Variants in ZPBP observed in about 807,000 individuals in gnomAD.
ZPBP encodes zona pellucida-binding protein 1.
In ZPBP, 26 loss-of-function variants were observed where a neutral mutation model predicts 44.8. That is an observed-to-expected ratio of 0.58 (90% CI 0.43 to 0.81). The LOEUF (loss-of-function observed/expected upper bound fraction) is 0.81, where lower values mean the gene tolerates loss of function less well. Among genes scored for constraint, ZPBP ranks in the 30% least tolerant of loss-of-function variants. The pLI, the probability that ZPBP is intolerant of heterozygous loss-of-function variation, is 0.00. For synonymous variants in ZPBP, 174 were observed against 153.2 expected (o/e 1.14, Z -1.00); for missense variants, 409 against 434.0 (o/e 0.94, Z 0.51).
intron 7 of ZPBP, among the ~76,000 whole-genome samples, chr7:49,967,640 G>A (rs1243816500): frequency 5.3e-5 from 8 of 152,100 alleles, no homozygotes; most frequent in South Asian, 2.1e-4. Flanking sequence ...TCCGCCTCCC[G>A]GGTTCAAGCA....
At chr7:49,968,697 A>G (rs1403056268) in intron 7 of ZPBP, among the ~76,000 whole-genome samples, 1 of 152,008 alleles carries the variant, frequency 6.6e-6, no homozygotes, top group African/African-American at 2.4e-5. Flanking sequence ...CAAGGAAAAT[A>G]TTTCTTCTGA....
At chr7:50,058,388 G>A (rs1225570615) in intron 3 of ZPBP, among the ~76,000 whole-genome samples, 1 of 152,046 alleles carries the variant, frequency 6.6e-6, no homozygotes, top group East Asian at 1.9e-4. Context: ...GACTAACAAG[G>A]ATACATACAG....
intron 4 of ZPBP, among the ~76,000 whole-genome samples, chr7:50,047,272 G>A (rs901723262): frequency 6.6e-6 from 1 of 151,958 alleles, no homozygotes; most frequent in Non-Finnish European, 1.5e-5. Context: ...TTCTACACAT[G>A]TATCCCAGAA....
chr7:49,902,293 C>A lies in ZPBP; in HGVS notation n.412-1078G>T, dbSNP rs868223269. On this transcript the variant is annotated intron_variant and non_coding_transcript_variant, in intron 1 of 2. Transcript: ENST00000465922. ...ACATTTGCAAAAGACATAAAAAAAA[C>A]TGTTGTCCTAAATATACAAACAATT... Among the ~76,000 whole-genome samples the A allele has an allele frequency of 6.6e-5, 10 of 152,002 alleles. 1 individual carries two copies. The highest frequency in any genetic ancestry group is 6.8e-3 in the Middle Eastern group (2 of 294).
chr7:50,076,101 T>C (rs189131465), intron 3 of ZPBP, among the ~76,000 whole-genome samples: 3 of 151,884 alleles, frequency 2.0e-5, no homozygotes, highest in Non-Finnish European at 4.4e-5. Context: ...GGTTCCAATA[T>C]ACCAAATCAA....
intron 7 of ZPBP, among the ~76,000 whole-genome samples, chr7:49,980,030 TTATATTATAATATA>T (rs1405757222): frequency 0.02 from 275 of 13,452 alleles, 5 homozygotes; most frequent in African/African-American, 0.077. Flanking sequence ...TAATTTTATA[TTATATTATAATATA>T]TATAATATAA....
chr7:50,071,943 C>T (rs1253011011), intron 3 of ZPBP, among the ~76,000 whole-genome samples: 9 of 152,154 alleles, frequency 5.9e-5, no homozygotes, highest in Non-Finnish European at 4.4e-5. Flanking sequence ...CAGCACATGA[C>T]CAGCTGTGGT....
intron 3 of ZPBP, among the ~76,000 whole-genome samples, chr7:50,073,663 A>G (rs944117516): frequency 1.3e-5 from 2 of 152,176 alleles, no homozygotes; most frequent in Non-Finnish European, 2.9e-5. Flanking sequence ...CAGAAAGAAA[A>G]AACAAATAAC....
At chr7:50,023,475 G>C (rs564768713) in intron 5 of ZPBP, among the ~76,000 whole-genome samples, 1 of 151,870 alleles carries the variant, frequency 6.6e-6, no homozygotes, top group Non-Finnish European at 1.5e-5. Flanking sequence ...CTAGTACTAC[G>C]ATAAACAGTA....
chr7:50,086,828 T>A (rs1436286951), intron 2 of ZPBP, among the ~76,000 whole-genome samples: 1 of 151,916 alleles, frequency 6.6e-6, no homozygotes, highest in African/African-American at 2.4e-5. Flanking sequence ...AATCCACGTA[T>A]CCAAGAATTC....
chr7:50,077,788 T>C lies in ZPBP; in HGVS notation c.334+3986A>G, dbSNP rs935720201. Among the ~76,000 whole-genome samples, 3 of 151,910 alleles carry C rather than the reference T, an allele frequency of 2.0e-5. No individual in the cohort carries two copies. The East Asian group carries it at 5.8e-4, about 29-fold the overall frequency. The stretch of plus-strand genomic sequence containing the variant: ...ACAAAGGGGAACCCTTGTACACTGT[T>C]GATGGGAATGTAAACTAGTACAACC... On this transcript the variant is annotated intron_variant, in intron 3 of 7. Transcript: ENST00000046087.
At chr7:50,001,657 T>G (rs1798098437) in intron 6 of ZPBP, among the ~76,000 whole-genome samples, 1 of 152,122 alleles carries the variant, frequency 6.6e-6, no homozygotes, top group Non-Finnish European at 1.5e-5. Context: ...AGGAGAATAA[T>G]CCATTCCTAA....
At chr7:49,887,788 A>G (rs1791963739) in intron 2 of ZPBP, among the ~76,000 whole-genome samples, 1 of 152,206 alleles carries the variant, frequency 6.6e-6, no homozygotes, top group South Asian at 2.1e-4. Flanking sequence ...ACTGTCTGGA[A>G]TGCACTTTCT....
chr7:50,012,116 G>A (rs1303547020), intron 6 of ZPBP, among the ~76,000 whole-genome samples: 1 of 150,524 alleles, frequency 6.6e-6, no homozygotes, highest in Non-Finnish European at 1.5e-5. Context: ...TCAGAAAAGA[G>A]AGATAATCAC....
intron 1 of ZPBP, among the ~76,000 whole-genome samples, chr7:49,907,310 C>A (rs1793156631): frequency 6.6e-6 from 1 of 152,088 alleles, no homozygotes; most frequent in South Asian, 2.1e-4. Flanking sequence ...ACAGATGGAC[C>A]TGACTCTATA....
chr7:49,893,749 T>C (rs1792246563), intron 2 of ZPBP, among the ~76,000 whole-genome samples: 1 of 151,994 alleles, frequency 6.6e-6, no homozygotes, highest in East Asian at 1.9e-4. Flanking sequence ...TAAATAACAG[T>C]TGGGAAATTT....
chr7:49,968,519 C>T (rs1796155368), intron 7 of ZPBP, among the ~76,000 whole-genome samples: 2 of 151,854 alleles, frequency 1.3e-5, no homozygotes, highest in South Asian at 4.2e-4. Context: ...ACATATGGAG[C>T]TGATTAACTA....
chr7:49,978,823 G>A (rs1204627758), intron 7 of ZPBP, among the ~76,000 whole-genome samples: 1 of 151,810 alleles, frequency 6.6e-6, no homozygotes, highest in Non-Finnish European at 1.5e-5. Context: ...ATCTTTTTGA[G>A]TAGTTATATG....
At chr7:49,905,137 T>C (rs189130610) in intron 1 of ZPBP, among the ~76,000 whole-genome samples, 1 of 152,348 alleles carries the variant, frequency 6.6e-6, no homozygotes, top group East Asian at 1.9e-4. Flanking sequence ...GGTCCACATT[T>C]ATACAGCTTA....
Sources: gnomAD v4.1 joint callset for allele counts (sites outside exome capture counted in the v4.1 genomes callset) on GRCh38, gnomAD v4.1.1 for gene constraint, MANE v1.5 for transcripts, NCBI Gene and HGNC (gene_info 2026-07-23, HGNC 2026-07-21) for gene names.